The following NEB variants were observed in gnomAD, a reference collection of about 807,000 sequenced individuals.
NEB encodes the protein nemaline myopathy type 2.
Under a neutral mutation model 952.2 loss-of-function variants are expected in NEB, and 512 were observed. The ratio of observed to expected loss-of-function variants is 0.54; its 90% CI spans 0.50 to 0.58. NEB has a LOEUF of 0.58. Ranked by LOEUF, NEB falls within the 20% of genes least tolerant of loss-of-function variation. The probability of loss-of-function intolerance (pLI) is 0.00; values close to 1 mark genes in which losing one functional copy is unlikely to be tolerated. For synonymous variants in NEB, 2,900 were observed against 3,149.8 expected (o/e 0.92, Z 2.66); for missense variants, 8,428 against 9,231.1 (o/e 0.91, Z 3.56).
rs2094709172 is a variant in NEB at position 151,546,509 on chromosome 2, G to T, written c.20368-66C>A. The T allele has an allele frequency of 4.2e-6, 4 of 962,196 alleles. No individual in the cohort carries two copies. The Admixed American group carries it at 5.4e-5, about 13-fold the overall frequency. The allele number at this position is 962,196 out of a possible 1,614,324, so 59.6% of individuals were successfully genotyped here. A position where few individuals can be genotyped will look rare whatever the true frequency, so the allele number is the denominator to read the frequency against. On this transcript the variant is annotated intron_variant, in intron 133 of 181. Transcript: ENST00000397345. ...TGTAAGTCAGGAAACACAAAAGATG[G>T]AGTAGCAACACTTCTTAATTACTGT...
chr2:151,561,608 T>A (rs76790417), intron 121 of NEB, among the ~76,000 whole-genome samples: 8,147 of 151,560 alleles, frequency 0.054, 225 homozygotes, highest in Non-Finnish European at 0.06. Flanking sequence ...CTTTTTTTTT[T>A]TTATTATTAT....
Position 151,724,252 on chromosome 2 carries a change from A to G in NEB, c.612+8T>C, listed in dbSNP as rs113095802. ...GAAGACAGAAGTGGCAATGGAGCAG[A>G]CCCTTACCTTGCTGAACATGGCGGT... On this transcript the variant is annotated splice_region_variant and intron_variant, in intron 8 of 181. Coordinates refer to ENST00000397345, the MANE Select transcript of NEB (RefSeq NM_001164508.2). 0.019 allele frequency: 30,145 copies of G among 1,605,928 alleles called. 372 individuals carry two copies. Among genetic ancestry groups the G allele is most frequent in the African/African-American group, 0.041 (3,079 of 74,872 alleles).
In NEB at chr2:151,729,045, G is replaced by T. The variant is rs888596190; in HGVS notation, c.78+570C>A. Among the ~76,000 whole-genome samples, 12 of 146,730 alleles carry T rather than the reference G, an allele frequency of 8.2e-5. No individual in the cohort carries two copies. The East Asian group carries it at 1.8e-3, about 22-fold the overall frequency. On this transcript the variant is annotated intron_variant, in intron 4 of 181. Transcript: ENST00000397345. ...GAAACAGCTGCATGCAGAAAATAAA[G>T]CATGAGAGAGGTATTTCACCTTGAA...
chr2:151,499,656 C>G (rs1661425680), intron 168 of NEB: 2 of 302,056 alleles, frequency 6.6e-6, no homozygotes, highest in Non-Finnish European at 1.2e-5. Context: ...GAAAAAAATA[C>G]AAATAATTTC....
At chr2:151,573,712 G>A (rs982555442) in intron 107 of NEB, among the ~76,000 whole-genome samples, 1 of 152,112 alleles carries the variant, frequency 6.6e-6, no homozygotes, top group South Asian at 2.1e-4. Flanking sequence ...TTGGCAAATT[G>A]CACTAAGGTA....
chr2:151,619,881 C>T lies in NEB; in HGVS notation c.10561-119G>A, dbSNP rs757968020. 400 of 1,036,346 alleles carry T rather than the reference C, an allele frequency of 3.9e-4. 1 individual carries two copies. The highest frequency in any genetic ancestry group is 5.3e-4 in the Non-Finnish European group (384 of 720,666). 64.2% of individuals were successfully genotyped at this position (1,036,346 alleles called of 1,614,324 possible). ...CAACAGAGGAGTTTCACTGGTCATG[C>T]TGCTGTAACGCCACATATTGGACTG... On this transcript the variant is annotated intron_variant, in intron 72 of 181. Coordinates refer to ENST00000397345, the MANE Select transcript of NEB (RefSeq NM_001164508.2).
chr2:151,568,574 G>T, intron 111 of NEB, 44 bp downstream of exon 111: 1 of 1,502,486 alleles, frequency 6.7e-7, no homozygotes, highest in Non-Finnish European at 9.2e-7. Context: ...CTTTGGAAGT[G>T]ATATCTGCAT....
chr2:151,614,495 A>T lies in NEB; in HGVS notation c.11382T>A (p.His3794Gln). 6.2e-7 allele frequency: 1 copy of T among 1,613,890 alleles called. No individual in the cohort carries two copies. The highest frequency in any genetic ancestry group is 8.5e-7 in the Non-Finnish European group (1 of 1,179,840). Residue 3794 changes from histidine (H) to glutamine (Q), a missense_variant, in exon 77 of 182, where the codon CAT becomes CAA. This residue lies in a region of NEB where 1,772 missense variants were observed against 1,960.3 expected (regional missense o/e 0.90). Transcript: ENST00000397345. The part of the protein sequence containing the change: ...KDDPKMMWSI[H>Q]VAKIQSDREY... ...CCCTGTCACTCTGGATCTTGGCCAC[A>T]TGGATGGACCACATCATCTTCGGGT... is the stretch of plus-strand genomic sequence containing the variant.
At chr2:151,708,185 TTCC>T (rs775554027) in intron 12 of NEB, among the ~76,000 whole-genome samples, 3,308 of 152,310 alleles carry the variant, frequency 0.022, 33 homozygotes, top group East Asian at 0.048. Flanking sequence ...ACTGGATTCT[TTCC>T]ATCAACATGA....
intron 44 of NEB, 75 bp downstream of exon 44, chr2:151,664,426 C>T: frequency 1.8e-6 from 2 of 1,113,044 alleles, no homozygotes; most frequent in African/African-American, 1.6e-5. Flanking sequence ...CTGACCACTG[C>T]TCCTACATAC....
rs1174292056 is a variant in NEB, at chr2:151,537,944, C to A, written c.21030G>T (p.Leu7010Phe). The change falls in exon 140 of 182, where the codon TTG (leucine) becomes TTT (phenylalanine). Residue 7010 changes from leucine to phenylalanine, a missense_variant. Physicochemically the swap from Leu to Phe is conservative, Grantham distance 22 (BLOSUM62 0). This residue lies in a region of NEB where 3,374 missense variants were observed against 3,651.5 expected (regional missense o/e 0.92). Coordinates refer to ENST00000397345, the MANE Select transcript of NEB (RefSeq NM_001164508.2). ...GATCAGGAATGGACCTCCAGATACC[C>A]AACTGGCTCATGTAGTTCTCCTTGT... ...IKYKENYMSQLGIWRSIPDRP... is the reference protein window; with the variant it reads ...IKYKENYMSQFGIWRSIPDRP... 1 of 1,613,300 alleles carries A rather than the reference C, an allele frequency of 6.2e-7. No individual in the cohort carries two copies. The highest frequency in any genetic ancestry group is 1.3e-5 in the African/African-American group (1 of 74,898).
At chr2:151,498,135 T>C in intron 170 of NEB, 125 bp downstream of exon 170, 1 of 1,525,636 alleles carries the variant, frequency 6.6e-7, no homozygotes. Context: ...AAGTATATCC[T>C]TTTGTAATAT....
chr2:151,724,645 C>T (rs1453035356), intron 7 of NEB, among the ~76,000 whole-genome samples: 5 of 152,222 alleles, frequency 3.3e-5, no homozygotes, highest in African/African-American at 1.2e-4. Flanking sequence ...ACAGCTGCCT[C>T]TTTGGGCAGG....
chr2:151,630,948 G>A (rs1460102463), intron 66 of NEB, 129 bp from the exon 67 acceptor site: 2 of 1,134,800 alleles, frequency 1.8e-6, no homozygotes, highest in Admixed American at 5.5e-5. Context: ...TATTCTACTG[G>A]AAGTGTGAGT....
At position 151,537,883 on chromosome 2, in the gene NEB, TGTCAGTGACTGCTCG is replaced by T; in HGVS notation, c.21076_21090del (p.Arg7026_Asp7030del). 6.2e-7 allele frequency: 1 copy of T among 1,600,200 alleles called. No homozygotes were observed. Among genetic ancestry groups the T allele is most frequent in the Non-Finnish European group, 8.5e-7 (1 of 1,170,840 alleles). ...ATGTCAACACTCACATCACTGACTG[TGTCAGTGACTGCTCG>T]GTGGTGGAAATGCTCTGGACGATCA... On this transcript the variant is annotated inframe_deletion, in exon 140 of 182. Transcript: ENST00000397345.
At chr2:151,576,851 C>T (rs1352948357) in intron 105 of NEB, among the ~76,000 whole-genome samples, 1 of 151,888 alleles carries the variant, frequency 6.6e-6, no homozygotes, top group African/African-American at 2.4e-5. Context: ...ATTTTATCTT[C>T]CACAAACAAT....
At chr2:151,651,702 A>T (rs2099031372) in intron 52 of NEB, among the ~76,000 whole-genome samples, 1 of 152,242 alleles carries the variant, frequency 6.6e-6, no homozygotes. Flanking sequence ...AACAGTGATA[A>T]TAATGAGTAT....
chr2:151,568,031 T>C (rs545214498), intron 113 of NEB, 40 bp downstream of exon 113: 49 of 1,486,920 alleles, frequency 3.3e-5, no homozygotes, highest in South Asian at 2.2e-4. Context: ...GGGAGCAAGG[T>C]CCCACTTTTG....
At chr2:151,665,688 A>G in intron 41 of NEB, 149 bp from the exon 42 acceptor site, 1 of 625,214 alleles carries the variant, frequency 1.6e-6, no homozygotes, top group Non-Finnish European at 2.5e-6. Flanking sequence ...TTCAGAAGAA[A>G]TTAATTATAA....
Sources: gnomAD v4.1 joint callset for allele counts (sites outside exome capture counted in the v4.1 genomes callset) on GRCh38, gnomAD v4.1.1 for gene constraint, gnomAD v4.1.1 regional missense constraint, MANE v1.5 for transcripts, NCBI Gene and HGNC (gene_info 2026-07-23, HGNC 2026-07-21) for gene names.